The following CNIH3 variants were observed in gnomAD, a reference collection of about 807,000 sequenced individuals.
CNIH3 encodes protein cornichon homolog 3.
CNIH3 carries 14 observed loss-of-function variants against 24.1 expected under a neutral mutation model. The ratio of observed to expected loss-of-function variants is 0.58; its 90% CI spans 0.38 to 0.91. The LOEUF (loss-of-function observed/expected upper bound fraction) is 0.91. Ranked by LOEUF, CNIH3 falls within the 40% of genes least tolerant of loss-of-function variation. The probability of loss-of-function intolerance (pLI) is 0.00; values close to 1 mark genes in which losing one functional copy is unlikely to be tolerated. For missense variants in CNIH3, 178 were observed against 196.8 expected (o/e 0.90, Z 0.57); for synonymous variants, 68 against 73.8 (o/e 0.92, Z 0.40).
In CNIH3 at chr1:224,436,761, A is replaced by G. The variant is rs576344416; in HGVS notation, n.203+1899A>G. ...TTCTGAAATACCACTCTACACACTG[A>G]GGAACCTTCAGTAACACCACATTAC... On this transcript the variant is annotated intron_variant and non_coding_transcript_variant, in intron 1 of 5. Transcript: ENST00000471578. 3.9e-5 allele frequency: 6 copies of G among 152,366 alleles called. No individual in the cohort carries two copies. The East Asian group carries it at 7.7e-4, about 20-fold the overall frequency. 9.4% of individuals were successfully genotyped at this position (152,366 alleles called of 1,614,324 possible).
At chr1:224,549,844 A>G (rs2124963432) in intron 3 of CNIH3, among the ~76,000 whole-genome samples, 1 of 152,290 alleles carries the variant, frequency 6.6e-6, no homozygotes, top group African/African-American at 2.4e-5. Flanking sequence ...TTATAGAAAT[A>G]TCAGAGCCAT....
intron 4 of CNIH3, among the ~76,000 whole-genome samples, chr1:224,567,083 C>T (rs1680611698): frequency 6.6e-6 from 1 of 152,202 alleles, no homozygotes; most frequent in South Asian, 2.1e-4. Flanking sequence ...GATGGTATCT[C>T]ATTGTGGTTT....
intron 1 of CNIH3, among the ~76,000 whole-genome samples, chr1:224,472,291 TATG>T (rs1300387803): frequency 6.6e-6 from 1 of 152,240 alleles, no homozygotes; most frequent in African/African-American, 2.4e-5. Flanking sequence ...ACATTTTCTA[TATG>T]ATAATAGAAG....
intron 1 of CNIH3, among the ~76,000 whole-genome samples, chr1:224,506,930 A>G (rs556356535): frequency 6.6e-6 from 1 of 152,236 alleles, no homozygotes; most frequent in Non-Finnish European, 1.5e-5. Flanking sequence ...CAGTGTGATC[A>G]CAGCTCACTG....
At chr1:224,586,237 G>A (rs1280016777) in intron 5 of CNIH3, among the ~76,000 whole-genome samples, 2 of 152,166 alleles carry the variant, frequency 1.3e-5, no homozygotes, top group Non-Finnish European at 2.9e-5. Flanking sequence ...AGAGATACCC[G>A]AGACTGGGCA....
intron 1 of CNIH3, among the ~76,000 whole-genome samples, chr1:224,450,502 G>T (rs1472735465): frequency 1.3e-5 from 2 of 152,094 alleles, no homozygotes; most frequent in Non-Finnish European, 2.9e-5. Flanking sequence ...CAGGCAGAGG[G>T]AACAGATAAT....
At chr1:224,720,252 C>CTTTT (rs10625559) in intron 3 of CNIH3, among the ~76,000 whole-genome samples, 54 of 142,096 alleles carry the variant, frequency 3.8e-4, no homozygotes, top group African/African-American at 1.2e-3. Flanking sequence ...GGATAGTCAT[C>CTTTT]TTTTTTTTTT....
chr1:224,483,494 T>C (rs562409426), intron 1 of CNIH3, among the ~76,000 whole-genome samples: 1 of 152,002 alleles, frequency 6.6e-6, no homozygotes, highest in Non-Finnish European at 1.5e-5. Flanking sequence ...GTTCAAGTGA[T>C]TCTCATGCCT....
intron 1 of CNIH3, among the ~76,000 whole-genome samples, chr1:224,495,002 G>C (rs988448480): frequency 3.3e-5 from 5 of 152,162 alleles, no homozygotes; most frequent in African/African-American, 1.2e-4. Flanking sequence ...CTGGAGTACA[G>C]GACAAATACA....
rs56137320 is a variant in CNIH3, at chr1:224,463,773, A to ATTTTTTTTTTTTTTTT, written n.203+28932_203+28947dup. On this transcript the variant is annotated intron_variant and non_coding_transcript_variant, in intron 1 of 5. Coordinates refer to the CNIH3 transcript ENST00000471578. ...TTCTCCCAGCTTATGAATTGTCCTC[A>ATTTTTTTTTTTTTTTT]TTTTTTTTTTTTTTTTTTTTTTTTT... Among the ~76,000 whole-genome samples, 3 of 20,730 alleles carry ATTTTTTTTTTTTTTTT rather than the reference A, an allele frequency of 1.4e-4. 1 individual carries two copies. The highest frequency in any genetic ancestry group is 1.8e-3 in the Admixed American group (2 of 1,132). 13.6% of individuals were successfully genotyped at this position (20,730 alleles called of 152,430 possible).
intron 1 of CNIH3, chr1:224,661,243 A>G (rs9661955): frequency 0.15 from 44,520 of 301,208 alleles, 3,794 homozygotes; most frequent in African/African-American, 0.23. Context: ...CTCTTCTTCA[A>G]CTTCTGCTCT....
chr1:224,525,584 G>A (rs1178950113), intron 2 of CNIH3, among the ~76,000 whole-genome samples: 1 of 152,340 alleles, frequency 6.6e-6, no homozygotes, highest in African/African-American at 2.4e-5. Flanking sequence ...ACATGTAACA[G>A]CAGTGTGTTC....
chr1:224,583,388 A>T (rs867586146), intron 5 of CNIH3: 4 of 152,304 alleles, frequency 2.6e-5, no homozygotes, highest in South Asian at 4.1e-4. Context: ...AATGTCAACC[A>T]GAGTGGACCA....
chr1:224,677,798 C>A (rs1686209231), intron 1 of CNIH3, among the ~76,000 whole-genome samples: 1 of 152,210 alleles, frequency 6.6e-6, no homozygotes, highest in African/African-American at 2.4e-5. Context: ...TGGGGATTGT[C>A]CACAATGTGG....
chr1:224,518,992 C>G (rs1678511244), intron 1 of CNIH3, among the ~76,000 whole-genome samples: 1 of 152,092 alleles, frequency 6.6e-6, no homozygotes, highest in Non-Finnish European at 1.5e-5. Flanking sequence ...GTTTCATCAT[C>G]CATAAAAGGA....
At chr1:224,556,700 G>A (rs980179697) in intron 3 of CNIH3, among the ~76,000 whole-genome samples, 8 of 152,176 alleles carry the variant, frequency 5.3e-5, no homozygotes, top group African/African-American at 1.9e-4. Context: ...AGTATCTAAT[G>A]CTGCCACTGA....
At chr1:224,476,653 A>G (rs1252744203) in intron 1 of CNIH3, among the ~76,000 whole-genome samples, 1 of 152,214 alleles carries the variant, frequency 6.6e-6, no homozygotes, top group Non-Finnish European at 1.5e-5. Flanking sequence ...AAACTGAAGA[A>G]GACACCAAAA....
chr1:224,550,514 A>G (rs1679872682), intron 3 of CNIH3, among the ~76,000 whole-genome samples: 1 of 152,224 alleles, frequency 6.6e-6, no homozygotes, highest in African/African-American at 2.4e-5. Flanking sequence ...TATGAGAGCG[A>G]TGTTATTTCA....
rs1683052471 is a variant in CNIH3, at chr1:224,617,255, C to T, written c.81C>T (p.His27=). 2 of 1,613,782 alleles carry T rather than the reference C, an allele frequency of 1.2e-6. No homozygotes were observed. Among genetic ancestry groups the T allele is most frequent in the South Asian group, 1.1e-5 (1 of 91,050 alleles). ...CGCTCATCTTCTTCGCCATCTGGCA[C>T]GTGAGTAACACGCTTTGGTCTCTCT... is the stretch of plus-strand genomic sequence containing the variant. ...CAALIFFAIW[H]IIAFDELRTD... The change falls in exon 1 of 6, where the codon CAC becomes CAT. Residue 27 remains histidine (H), a splice_region_variant and synonymous_variant. Transcript: ENST00000272133.
Sources: allele counts gnomAD v4.1 joint callset (sites outside exome capture counted in the v4.1 genomes callset), GRCh38; gene constraint gnomAD v4.1.1; transcripts MANE v1.5; gene names NCBI Gene and HGNC (gene_info 2026-07-23, HGNC 2026-07-21).